Variants in GLI3 observed in about 807,000 individuals in gnomAD.
The protein encoded by GLI3 is transcription activator GLI3.
Under a neutral mutation model 100.8 loss-of-function variants are expected in GLI3, and 20 were observed. The ratio of observed to expected loss-of-function variants is 0.20; its 90% CI spans 0.14 to 0.29. The LOEUF is 0.29. Ranked by LOEUF, GLI3 falls within the 10% of genes least tolerant of loss-of-function variation. The pLI, the probability that GLI3 is intolerant of heterozygous loss-of-function variation, is 1.00. For synonymous variants in GLI3, 938 were observed against 860.5 expected (o/e 1.09, Z -1.58); for missense variants, 2,040 against 2,128.5 (o/e 0.96, Z 0.82).
At chr7:41,971,567 C>T (rs1787364823) in intron 13 of GLI3, among the ~76,000 whole-genome samples, 1 of 152,154 alleles carries the variant, frequency 6.6e-6, no homozygotes, top group African/African-American at 2.4e-5. Context: ...TATTAGTCTC[C>T]AAACACAAAG....
intron 10 of GLI3, among the ~76,000 whole-genome samples, chr7:42,004,132 A>C (rs1021922449): frequency 6.6e-6 from 1 of 152,206 alleles, no homozygotes; most frequent in African/African-American, 2.4e-5. Flanking sequence ...CACATGCCCA[A>C]ACATTATCTA....
chr7:42,075,890 CTAAT>C (rs1288867550), intron 4 of GLI3, among the ~76,000 whole-genome samples: 2 of 152,324 alleles, frequency 1.3e-5, no homozygotes, highest in South Asian at 4.1e-4. Flanking sequence ...ACAGCTGTAA[CTAAT>C]AGCCACGGAG....
At chr7:41,996,356 C>G (rs1244018027) in intron 10 of GLI3, among the ~76,000 whole-genome samples, 2 of 152,158 alleles carry the variant, frequency 1.3e-5, no homozygotes, top group African/African-American at 4.8e-5. Context: ...TCCACTTTCC[C>G]AGTGGTCTTC....
intron 3 of GLI3, among the ~76,000 whole-genome samples, chr7:42,099,007 G>T (rs1785401002): frequency 6.6e-6 from 1 of 152,134 alleles, no homozygotes; most frequent in African/African-American, 2.4e-5. Flanking sequence ...GGATACATCT[G>T]CCCTGAGAGT....
chr7:42,097,381 C>T (rs527524429), intron 3 of GLI3, among the ~76,000 whole-genome samples: 1 of 152,298 alleles, frequency 6.6e-6, no homozygotes, highest in East Asian at 1.9e-4. Context: ...AGATGTGAGA[C>T]AGGAAGCAGC....
At chr7:42,201,809 C>A (rs760875073) in intron 2 of GLI3, among the ~76,000 whole-genome samples, 2 of 152,080 alleles carry the variant, frequency 1.3e-5, no homozygotes, top group Admixed American at 6.6e-5. Flanking sequence ...ATTGGCCGGG[C>A]GCCATGGCTC....
chr7:41,975,593 T>C (rs758566835), intron 12 of GLI3, among the ~76,000 whole-genome samples: 1 of 152,204 alleles, frequency 6.6e-6, no homozygotes, highest in Non-Finnish European at 1.5e-5. Context: ...CTACCCAAGA[T>C]ATCCTTATCT....
intron 12 of GLI3, among the ~76,000 whole-genome samples, chr7:41,976,437 T>A (rs553217761): frequency 6.6e-6 from 1 of 152,176 alleles, no homozygotes; most frequent in Non-Finnish European, 1.5e-5. Flanking sequence ...CTCTGTCAGT[T>A]TCAGCTGAAG....
intron 2 of GLI3, among the ~76,000 whole-genome samples, chr7:42,173,231 C>CA (rs932542703): frequency 2.6e-5 from 4 of 152,120 alleles, no homozygotes; most frequent in African/African-American, 9.7e-5. Context: ...ACACGGCGGG[C>CA]AAAAAATATT....
At chr7:42,261,374 C>T (rs10260026) in intron 1 of GLI3, among the ~76,000 whole-genome samples, 108,893 of 151,660 alleles carry the variant, frequency 0.72, 41,456 homozygotes, top group Middle Eastern at 0.86. Flanking sequence ...GCCTCACCTC[C>T]AGCATGGGGA....
intron 1 of GLI3, among the ~76,000 whole-genome samples, chr7:42,256,086 T>A (rs1245592052): frequency 3.3e-5 from 5 of 152,204 alleles, no homozygotes; most frequent in African/African-American, 1.2e-4. Flanking sequence ...TATGTGTTCA[T>A]TAGCCATTTT....
intron 3 of GLI3, among the ~76,000 whole-genome samples, chr7:42,123,059 G>A (rs896476413): frequency 3.3e-5 from 5 of 152,040 alleles, no homozygotes; most frequent in Admixed American, 6.6e-5. Context: ...CATTCATATC[G>A]GTAAAATCAA....
chr7:42,201,201 GAT>G (rs376512738), intron 2 of GLI3, among the ~76,000 whole-genome samples: 2 of 148,454 alleles, frequency 1.3e-5, no homozygotes, highest in South Asian at 2.1e-4. Flanking sequence ...ATATGAATGT[GAT>G]ATATCTCTCT....
chr7:42,011,448 A>G (rs1276803820), intron 10 of GLI3, among the ~76,000 whole-genome samples: 1 of 152,252 alleles, frequency 6.6e-6, no homozygotes, highest in Non-Finnish European at 1.5e-5. Flanking sequence ...GTGTTCAAGC[A>G]TGAACTTGTA....
chr7:42,077,179 G>A (rs951885112), intron 3 of GLI3, among the ~76,000 whole-genome samples: 1 of 152,088 alleles, frequency 6.6e-6, no homozygotes, highest in Non-Finnish European at 1.5e-5. Context: ...AGGGCTGAAG[G>A]GAGCCACAAA....
chr7:42,090,250 C>T (rs906723617), intron 3 of GLI3, among the ~76,000 whole-genome samples: 1 of 152,154 alleles, frequency 6.6e-6, no homozygotes, highest in Admixed American at 6.5e-5. Context: ...AGACCTAGGA[C>T]ATCCCTGTAC....
At chr7:42,171,512 A>AT (rs1188401211) in intron 2 of GLI3, among the ~76,000 whole-genome samples, 1 of 152,192 alleles carries the variant, frequency 6.6e-6, no homozygotes, top group African/African-American at 2.4e-5. Flanking sequence ...TAAGGCTAAT[A>AT]TTTGTTTTAT....
intron 10 of GLI3, among the ~76,000 whole-genome samples, chr7:41,988,688 G>A (rs1356968499): frequency 6.6e-6 from 1 of 152,188 alleles, no homozygotes; most frequent in Non-Finnish European, 1.5e-5. Context: ...AGAACAGTGA[G>A]AAATCAACTT....
chr7:42,174,509 G>A (rs550816574), intron 2 of GLI3, among the ~76,000 whole-genome samples: 5 of 152,224 alleles, frequency 3.3e-5, no homozygotes, highest in African/African-American at 9.6e-5. Context: ...CCCTGGAAAC[G>A]TTAAAAGCTC....
Sources: gnomAD v4.1 joint callset for allele counts (sites outside exome capture counted in the v4.1 genomes callset) on GRCh38, gnomAD v4.1.1 for gene constraint, MANE v1.5 for transcripts, NCBI Gene and HGNC (gene_info 2026-07-23, HGNC 2026-07-21) for gene names.